The following EXT1 variants were observed in gnomAD, a reference collection of about 807,000 sequenced individuals.
EXT1 encodes exostosin glycosyltransferase 1.
A neutral mutation model predicts 82.5 loss-of-function variants in EXT1; 20 were observed. The ratio of observed to expected loss-of-function variants is 0.24; its 90% CI spans 0.17 to 0.35. EXT1 has a LOEUF of 0.35. Ranked by LOEUF, EXT1 falls within the 10% of genes least tolerant of loss-of-function variation. The pLI, the probability that EXT1 is intolerant of heterozygous loss-of-function variation, is 1.00. For synonymous variants in EXT1, 348 were observed against 350.8 expected (o/e 0.99, Z 0.09); for missense variants, 757 against 936.5 (o/e 0.81, Z 2.50).
chr8:118,027,639 G>A (rs898081145), intron 1 of EXT1, among the ~76,000 whole-genome samples: 5 of 152,246 alleles, frequency 3.3e-5, no homozygotes, highest in African/African-American at 2.4e-5. Context: ...CACCCTCTTA[G>A]CAATTGTCTA....
chr8:118,025,570 C>G (rs1410776843), intron 1 of EXT1, among the ~76,000 whole-genome samples: 2 of 152,182 alleles, frequency 1.3e-5, no homozygotes, highest in East Asian at 3.9e-4. Context: ...AAGGCCCAAA[C>G]AAGCAAAAGA....
At chr8:117,987,837 T>C (rs1277316905) in intron 1 of EXT1, among the ~76,000 whole-genome samples, 1 of 152,154 alleles carries the variant, frequency 6.6e-6, no homozygotes, top group Non-Finnish European at 1.5e-5. Context: ...CCTATAATCC[T>C]AGAACTTTGA....
intron 1 of EXT1, among the ~76,000 whole-genome samples, chr8:117,879,043 A>G (rs1307221506): frequency 6.6e-6 from 1 of 152,238 alleles, no homozygotes; most frequent in Non-Finnish European, 1.5e-5. Context: ...TAGGTGGCAC[A>G]GGTGACTTGA....
chr8:118,100,584 C>A (rs1359087274), intron 1 of EXT1, among the ~76,000 whole-genome samples: 3 of 151,882 alleles, frequency 2.0e-5, no homozygotes, highest in Non-Finnish European at 4.4e-5. Context: ...CCTGTCTATT[C>A]AAAATACAAA....
chr8:118,033,317 C>G (rs1816366280), intron 1 of EXT1, among the ~76,000 whole-genome samples: 1 of 152,140 alleles, frequency 6.6e-6, no homozygotes, highest in Non-Finnish European at 1.5e-5. Flanking sequence ...ACCACACAAT[C>G]TGTACCAAGG....
chr8:118,075,347 G>A (rs1370156580), intron 1 of EXT1, among the ~76,000 whole-genome samples: 1 of 152,200 alleles, frequency 6.6e-6, no homozygotes, highest in African/African-American at 2.4e-5. Flanking sequence ...ACTGCAGCTG[G>A]ACAAAAGGAA....
chr8:117,882,253 T>G (rs1406848351), intron 1 of EXT1, among the ~76,000 whole-genome samples: 1 of 152,130 alleles, frequency 6.6e-6, no homozygotes. Flanking sequence ...GCTACTTTTT[T>G]GTCTTTTTTG....
At chr8:118,090,778 CAAAAAAAAAAAA>C (rs11318164) in intron 1 of EXT1, among the ~76,000 whole-genome samples, 15 of 27,180 alleles carry the variant, frequency 5.5e-4, no homozygotes, top group South Asian at 3.2e-3. Flanking sequence ...GATTCTGTCT[CAAAAAAAAAAAA>C]AAAAAAAAAA....
chr8:118,044,242 G>T (rs537329499), intron 1 of EXT1, among the ~76,000 whole-genome samples: 1 of 152,166 alleles, frequency 6.6e-6, no homozygotes, highest in African/African-American at 2.4e-5. Flanking sequence ...GTTCTTCTAT[G>T]ATCTCATTTT....
At chr8:117,814,234 G>GGTGTGTGTGTGTGTGTGTGTGT (rs57727618) in intron 7 of EXT1, among the ~76,000 whole-genome samples, 1 of 146,738 alleles carries the variant, frequency 6.8e-6, no homozygotes, top group African/African-American at 2.5e-5. Context: ...CACACACAGT[G>GGTGTGTGTGTGTGTGTGTGTGT]GTGTGTGTGT....
intron 4 of EXT1, among the ~76,000 whole-genome samples, chr8:117,827,629 A>G (rs1269674426): frequency 1.3e-5 from 2 of 151,994 alleles, no homozygotes; most frequent in African/African-American, 4.8e-5. Context: ...AGCCTGGCCA[A>G]CATGGTGAAA....
At chr8:117,891,030 G>T (rs1035357216) in intron 1 of EXT1, among the ~76,000 whole-genome samples, 1 of 152,150 alleles carries the variant, frequency 6.6e-6, no homozygotes, top group Non-Finnish European at 1.5e-5. Flanking sequence ...TGTTCCCACA[G>T]ACTCTACCAA....
At chr8:118,090,720 A>G (rs1402733934) in intron 1 of EXT1, among the ~76,000 whole-genome samples, 1 of 131,416 alleles carries the variant, frequency 7.6e-6, no homozygotes, top group African/African-American at 2.8e-5. Flanking sequence ...CAGAGGTTGC[A>G]GTGGGCCAAG....
intron 1 of EXT1, among the ~76,000 whole-genome samples, chr8:117,928,766 T>TA (rs368503461): frequency 0.012 from 1,803 of 145,180 alleles, 35 homozygotes; most frequent in African/African-American, 0.037. Context: ...CAGTCAATAT[T>TA]AAAAAAAAAA....
intron 1 of EXT1, among the ~76,000 whole-genome samples, chr8:117,995,773 C>T (rs1815527384): frequency 6.6e-6 from 1 of 152,174 alleles, no homozygotes; most frequent in Non-Finnish European, 1.5e-5. Context: ...ATTATCATGG[C>T]ATATACCATA....
chr8:117,869,620 T>C (rs532813706), intron 1 of EXT1, among the ~76,000 whole-genome samples: 2 of 150,336 alleles, frequency 1.3e-5, no homozygotes, highest in African/African-American at 4.8e-5. Context: ...ATTCTCAATA[T>C]AACTTATCAC....
chr8:118,002,635 C>A, intron 1 of EXT1, among the ~76,000 whole-genome samples: 1 of 148,520 alleles, frequency 6.7e-6, no homozygotes, highest in Non-Finnish European at 1.5e-5. Context: ...AGATTCACCC[C>A]ATTCTCCTGC....
chr8:118,000,470 A>T (rs1815638524), intron 1 of EXT1, among the ~76,000 whole-genome samples: 1 of 152,166 alleles, frequency 6.6e-6, no homozygotes. Flanking sequence ...TCCACTTTAC[A>T]CACCTCTCTG....
Position 118,110,170 on chromosome 8 carries a change from C to G in EXT1, c.877G>C (p.Val293Leu). ...LYHVHNGEDV[V>L]LLTTCKHGKD... Reference sequence around the variant, plus strand: ...CCATGCTTGCAGGTGGTGAGGAGCACAACGTCCTCCCCGTTATGGACGTGA... The same window carrying G: ...CCATGCTTGCAGGTGGTGAGGAGCAGAACGTCCTCCCCGTTATGGACGTGA... The change falls in exon 1 of 11, where the codon GTG becomes CTG. Residue 293 changes from valine (V) to leucine (L), a missense_variant. Physicochemically the swap from Val to Leu is conservative, Grantham distance 32. Transcript: ENST00000378204. 6.2e-7 allele frequency: 1 copy of G among 1,614,176 alleles called. No individual in the cohort carries two copies. The highest frequency in any genetic ancestry group is 8.5e-7 in the Non-Finnish European group (1 of 1,180,030).
Sources: gnomAD v4.1 joint callset for allele counts (sites outside exome capture counted in the v4.1 genomes callset) on GRCh38, gnomAD v4.1.1 for gene constraint, MANE v1.5 for transcripts, NCBI Gene and HGNC (gene_info 2026-07-23, HGNC 2026-07-21) for gene names.